The following GOLGA1 variants were observed in gnomAD, a reference collection of about 807,000 sequenced individuals.
GOLGA1 encodes the protein golgin subfamily A member 1.
A neutral mutation model predicts 119.7 loss-of-function variants in GOLGA1; 63 were observed. The observed-to-expected ratio is 0.53, with a 90% CI of 0.43 to 0.65. The LOEUF (loss-of-function observed/expected upper bound fraction) is 0.65. Among genes scored for constraint, GOLGA1 ranks in the 30% least tolerant of loss-of-function variants. The pLI is 0.00. For synonymous variants in GOLGA1, 318 were observed against 333.4 expected (o/e 0.95, Z 0.50); for missense variants, 798 against 912.8 (o/e 0.87, Z 1.62).
chr9:124,883,743 C>T (rs191574718), intron 19 of GOLGA1, among the ~76,000 whole-genome samples: 2 of 151,898 alleles, frequency 1.3e-5, no homozygotes, highest in East Asian at 2.0e-4. Flanking sequence ...CCACCGCACC[C>T]GGCCTTTTTT....
In GOLGA1 at chr9:124,938,037, C is replaced by G. The variant is rs138647228; in HGVS notation, c.135+540G>C. 1.1e-4 allele frequency among the ~76,000 whole-genome samples: 16 copies of G among 146,894 alleles called. 1 individual carries two copies. In the East Asian group the frequency reaches 3.2e-3, roughly 29 times the overall value. ...GGCAGAGGTTGTGGTGAACCAAGAT[C>G]AGGCCACTGCACTCCACTTTGGGCT... On this transcript the variant is annotated intron_variant, in intron 3 of 22. Transcript: ENST00000373555.
At chr9:124,895,484 C>T (rs1292271807) in intron 15 of GOLGA1, among the ~76,000 whole-genome samples, 2 of 150,276 alleles carry the variant, frequency 1.3e-5, no homozygotes, top group Non-Finnish European at 3.0e-5. Flanking sequence ...CAGAGACCCT[C>T]CACAACAGAG....
intron 15 of GOLGA1, among the ~76,000 whole-genome samples, chr9:124,896,759 T>C (rs1277810686): frequency 3.3e-5 from 5 of 152,168 alleles, no homozygotes; most frequent in Non-Finnish European, 5.9e-5. Context: ...CTAGTTAACA[T>C]AGCAAGACCC....
chr9:124,900,581 C>A, intron 12 of GOLGA1, 34 bp from the exon 13 acceptor site: 4 of 1,074,540 alleles, frequency 3.7e-6, no homozygotes, highest in Non-Finnish European at 5.7e-6. Flanking sequence ...TTTCTGTTCA[C>A]AAGAAGCTGA....
At chr9:124,924,287 A>C (rs1830628209) in intron 7 of GOLGA1, among the ~76,000 whole-genome samples, 1 of 152,122 alleles carries the variant, frequency 6.6e-6, no homozygotes, top group Admixed American at 6.6e-5. Context: ...TAACAAGCTA[A>C]AAAAAAGAAA....
intron 8 of GOLGA1, among the ~76,000 whole-genome samples, chr9:124,922,271 G>A (rs971555133): frequency 3.3e-5 from 5 of 150,500 alleles, no homozygotes; most frequent in African/African-American, 7.3e-5. Context: ...CTTAAATCTC[G>A]GCTGGATACG....
At chr9:124,883,987 C>T (rs1374300929) in intron 19 of GOLGA1, among the ~76,000 whole-genome samples, 2 of 152,026 alleles carry the variant, frequency 1.3e-5, no homozygotes, top group African/African-American at 4.8e-5. Flanking sequence ...ATTTTCTCAA[C>T]TAAAAACTTC....
chr9:124,916,101 C>CTAAATAAATAAATAAATAAA (rs5900631), intron 10 of GOLGA1, among the ~76,000 whole-genome samples: 60 of 144,318 alleles, frequency 4.2e-4, no homozygotes, highest in East Asian at 1.9e-3. Flanking sequence ...GACTGTATCT[C>CTAAATAAATAAATAAATAAA]TAAATAAATA....
intron 11 of GOLGA1, among the ~76,000 whole-genome samples, chr9:124,911,396 G>C (rs1305173204): frequency 6.6e-6 from 1 of 152,252 alleles, no homozygotes; most frequent in East Asian, 1.9e-4. Context: ...AACAGAAAGA[G>C]AGGGAAGAGC....
At chr9:124,922,666 A>C (rs1239715015) in intron 8 of GOLGA1, among the ~76,000 whole-genome samples, 1 of 151,990 alleles carries the variant, frequency 6.6e-6, no homozygotes, top group African/African-American at 2.4e-5. Context: ...TTGGGAGGCT[A>C]AAGTGGGAGG....
intron 3 of GOLGA1, among the ~76,000 whole-genome samples, chr9:124,936,224 T>G (rs1216949468): frequency 1.3e-5 from 2 of 152,200 alleles, no homozygotes; most frequent in Non-Finnish European, 2.9e-5. Flanking sequence ...TGTGCTTATA[T>G]TTCCTCTTAA....
chr9:124,919,766 A>C (rs532930113), intron 10 of GOLGA1, among the ~76,000 whole-genome samples: 1 of 152,128 alleles, frequency 6.6e-6, no homozygotes, highest in Admixed American at 6.5e-5. Flanking sequence ...CTGTGATGTG[A>C]GGGGAAGGGC....
At chr9:124,903,936 G>A (rs548143562) in intron 12 of GOLGA1, among the ~76,000 whole-genome samples, 16 of 151,974 alleles carry the variant, frequency 1.1e-4, no homozygotes, top group African/African-American at 3.6e-4. Flanking sequence ...GTAGGCGCGC[G>A]CCTGTAGTCC....
rs764636494 is a variant in GOLGA1 at position 124,928,265 on chromosome 9, C to T, written c.322G>A (p.Glu108Lys). 25 of 1,600,794 alleles carry T rather than the reference C, an allele frequency of 1.6e-5. No homozygotes were observed. The highest frequency in any genetic ancestry group is 2.1e-5 in the Non-Finnish European group (24 of 1,169,206). The change falls in exon 6 of 23, where the codon GAG becomes AAG. Residue 108 changes from glutamate (E) to lysine (K), a missense_variant. Physicochemically the swap from Glu to Lys is moderately conservative, Grantham distance 56. Coordinates refer to ENST00000373555, the MANE Select transcript of GOLGA1 (RefSeq NM_002077.4). ...HQDSSMRKFQEQNETFQANRA... is the reference protein window; with the variant it reads ...HQDSSMRKFQKQNETFQANRA... Reference sequence around the variant, plus strand: ...TTGGCTTGGAATGTCTCATTCTGCTCTTGAAATTTCCGCATGGAAGCTGTT... The same window carrying T: ...TTGGCTTGGAATGTCTCATTCTGCTTTTGAAATTTCCGCATGGAAGCTGTT...
intron 12 of GOLGA1, among the ~76,000 whole-genome samples, chr9:124,906,318 C>T (rs1036689887): frequency 2.0e-5 from 3 of 151,640 alleles, no homozygotes; most frequent in Admixed American, 6.6e-5. Flanking sequence ...GTAATCCCAG[C>T]TACTTGGGAG....
In GOLGA1 at chr9:124,888,116, CT is replaced by C; in HGVS notation, c.1905+136del. The C allele has an allele frequency of 1.3e-6, 1 of 768,420 alleles. No homozygotes were observed. Among genetic ancestry groups the C allele is most frequent in the Non-Finnish European group, 2.3e-6 (1 of 443,732 alleles). The allele number at this position is 768,420 out of a possible 1,614,324, so 47.6% of individuals were successfully genotyped here. ...AGGAACGGAAGATCAGGAGGAAGGCCTTTGGGTGAGAGGGGTCATGGTTGCC... is the reference window on the plus strand; with the variant it reads ...AGGAACGGAAGATCAGGAGGAAGGCCTTGGGTGAGAGGGGTCATGGTTGCC... On this transcript the variant is annotated intron_variant, in intron 19 of 22. Transcript: ENST00000373555. The surrounding 1 kb of genome is among the most constrained non-coding windows in gnomAD (Gnocchi z 4.4).
intron 7 of GOLGA1, among the ~76,000 whole-genome samples, chr9:124,926,324 C>T (rs1456923108): frequency 6.6e-6 from 1 of 152,112 alleles, no homozygotes; most frequent in African/African-American, 2.4e-5. Context: ...TGAAGAGAGC[C>T]CACATGGAGA....
In GOLGA1 at chr9:124,881,715, A is replaced by G. The variant is rs1829586629; in HGVS notation, c.2136+69T>C. 9.9e-7 allele frequency: 1 copy of G among 1,011,654 alleles called. No individual in the cohort carries two copies. The highest frequency in any genetic ancestry group is 1.6e-5 in the African/African-American group (1 of 61,926). 62.7% of individuals were successfully genotyped at this position (1,011,654 alleles called of 1,614,324 possible). On this transcript the variant is annotated intron_variant, in intron 21 of 22. Transcript: ENST00000373555. This position sits in a 1 kb window ranked among gnomAD's most constrained non-coding sequence, Gnocchi z 4.9. ...AGGAAAAGAGAGAAAGGGGCTGGGC[A>G]GGGGTCCCTGCAGGACAGACTGTAG...
rs1829778354 is a variant in GOLGA1, at chr9:124,888,533, T to C, written c.1762-137A>G. On this transcript the variant is annotated intron_variant, in intron 18 of 22. Coordinates refer to ENST00000373555, the MANE Select transcript of GOLGA1 (RefSeq NM_002077.4). This position sits in a 1 kb window ranked among gnomAD's most constrained non-coding sequence, Gnocchi z 4.4. ...CAACAGGCAACTGGCCAGGAAGCAA[T>C]TCCTGGAGAAGATCCAATGCCCAAT... The C allele has an allele frequency of 4.2e-6, 3 of 715,812 alleles. No individual in the cohort carries two copies. The highest frequency in any genetic ancestry group is 7.2e-6 in the Non-Finnish European group (3 of 416,844). The allele number at this position is 715,812 out of a possible 1,614,324, so 44.3% of individuals were successfully genotyped here.
Sources: gnomAD v4.1 joint callset for allele counts (sites outside exome capture counted in the v4.1 genomes callset) on GRCh38, gnomAD v4.1.1 for gene constraint, Gnocchi (gnomAD v3.1) non-coding constraint, MANE v1.5 for transcripts, NCBI Gene and HGNC (gene_info 2026-07-23, HGNC 2026-07-21) for gene names.